Variants in CHAF1B observed in about 807,000 individuals in gnomAD.
CHAF1B encodes CAF-1 subunit B.
In CHAF1B, 10 loss-of-function variants were observed where a neutral mutation model predicts 60.7. The ratio of observed to expected loss-of-function variants is 0.16; its 90% CI spans 0.10 to 0.28. The LOEUF (loss-of-function observed/expected upper bound fraction) is 0.28. CHAF1B is among the 10% of genes least tolerant of loss of function. The pLI, the probability that CHAF1B is intolerant of heterozygous loss-of-function variation, is 1.00. For synonymous variants in CHAF1B, 261 were observed against 266.1 expected, an observed-to-expected ratio of 0.98 and a Z score of 0.19; for missense variants, 558 against 708.4, an observed-to-expected ratio of 0.79 and a Z score of 2.41.
rs2086201760 is a variant in CHAF1B at position 36,402,772 on chromosome 21, G to C, written c.678G>C (p.Arg226=). 6.2e-7 allele frequency: 1 copy of C among 1,613,520 alleles called. No homozygotes were observed. The highest frequency in any genetic ancestry group is 8.5e-7 in the Non-Finnish European group (1 of 1,179,698). ...GTGTGCGACAGGCAAGAAGCTACCG[G>C]ATGTTTCACGACGACAGCATGAAGT... ...IGAEGEARSY[R]MFHDDSMKSF... Residue 226 remains arginine (R), a synonymous_variant, in exon 8 of 14, where the codon CGG becomes CGC. Transcript: ENST00000314103.
At chr21:36,402,659 A>G in intron 7 of CHAF1B, 99 bp from the exon 8 acceptor site, 1 of 871,638 alleles carries the variant, frequency 1.1e-6, no homozygotes. Context: ...GCAGTTGGGA[A>G]GCGTTTATTT....
At chr21:36,394,254 T>G (rs2086119383) in intron 4 of CHAF1B, among the ~76,000 whole-genome samples, 1 of 152,030 alleles carries the variant, frequency 6.6e-6, no homozygotes, top group Admixed American at 6.6e-5. Context: ...TTTTTTGTAT[T>G]TTAGTAGAGA....
intron 8 of CHAF1B, 110 bp downstream of exon 8, chr21:36,402,961 C>G: frequency 1.2e-6 from 1 of 838,892 alleles, no homozygotes; most frequent in Non-Finnish European, 2.0e-6. Context: ...AGTGGGGGTC[C>G]CCGACTTACC....
intron 5 of CHAF1B, among the ~76,000 whole-genome samples, chr21:36,395,244 T>G (rs1285931769): frequency 6.8e-6 from 1 of 147,228 alleles, no homozygotes. Context: ...GAGACGGGGT[T>G]TCACCGTTGG....
In CHAF1B at chr21:36,399,551, G is replaced by A; in HGVS notation, c.609G>A (p.Lys203=). 6.2e-7 allele frequency: 1 copy of A among 1,614,160 alleles called. No homozygotes were observed. The highest frequency in any genetic ancestry group is 1.1e-5 in the South Asian group (1 of 91,084). Residue 203 remains lysine (K), a synonymous_variant, in exon 7 of 14, where the codon AAG becomes AAA. Transcript: ENST00000314103. ...RVLRVYSIQK[K]RVAFNVSKML... ...TGCGAGTATACAGTATACAGAAGAA[G>A]CGTGTGGCTTTCAATGTTTCGAAGA...
At chr21:36,402,948 T>G in intron 8 of CHAF1B, 97 bp downstream of exon 8, 1 of 1,027,628 alleles carries the variant, frequency 9.7e-7, no homozygotes. Flanking sequence ...GAATGCTGAT[T>G]AGAGTGGGGG....
Position 36,386,199 on chromosome 21 carries a change from C to T in CHAF1B, c.63C>T (p.Phe21=), listed in dbSNP as rs757229798. The change falls in exon 2 of 14, where the codon TTC becomes TTT. Residue 21 remains phenylalanine (F), a synonymous_variant. Transcript: ENST00000314103. The part of the protein sequence containing the change: ...HNKEPVYSLD[F]QHGTAGRIHR... ...AGGAGCCCGTGTACAGCCTGGACTT[C>T]CAGCATGGGACGGCTGGGAGGATCC... is the stretch of plus-strand genomic sequence containing the variant. The T allele has an allele frequency of 9.9e-6, 16 of 1,614,206 alleles. No homozygotes were observed. The East Asian group carries it at 3.3e-4, about 34-fold the overall frequency.
chr21:36,403,652 G>A (rs1321258569), intron 8 of CHAF1B, among the ~76,000 whole-genome samples: 3 of 152,070 alleles, frequency 2.0e-5, no homozygotes, highest in Non-Finnish European at 2.9e-5. Context: ...AAGCAGCAGT[G>A]GTCAAAATCA....
intron 8 of CHAF1B, among the ~76,000 whole-genome samples, chr21:36,404,846 C>T (rs1031848459): frequency 1.3e-5 from 2 of 148,576 alleles, no homozygotes; most frequent in Non-Finnish European, 3.0e-5. Context: ...TGGGTTCAAG[C>T]GATTCTCCTG....
Position 36,387,629 on chromosome 21 carries a change from A to G in CHAF1B, c.158A>G (p.Lys53Arg). ...AAGGTAGAAAAGGGACCAGATGGAA[A>G]AGCCATCGTGGAATTTTTGTCCAAT... ...IWKVEKGPDG[K>R]AIVEFLSNLA... Residue 53 changes from lysine (K) to arginine (R), a missense_variant, in exon 3 of 14, where the codon AAA becomes AGA. Transcript: ENST00000314103. The G allele has an allele frequency of 1.2e-6, 2 of 1,614,182 alleles. No individual in the cohort carries two copies. The highest frequency in any genetic ancestry group is 2.2e-5 in the East Asian group (1 of 44,876).
chr21:36,405,822 A>T (rs1053851645), intron 8 of CHAF1B, among the ~76,000 whole-genome samples: 2 of 152,178 alleles, frequency 1.3e-5, no homozygotes, highest in Non-Finnish European at 2.9e-5. Flanking sequence ...GAACAAATGG[A>T]AAGATATGTC....
chr21:36,400,772 T>C (rs2086181332), intron 7 of CHAF1B, among the ~76,000 whole-genome samples: 1 of 152,152 alleles, frequency 6.6e-6, no homozygotes, highest in Non-Finnish European at 1.5e-5. Flanking sequence ...AGGAAGGATT[T>C]TGACTTTCAA....
At position 36,406,391 on chromosome 21, in the gene CHAF1B, T is replaced by G. The variant is rs1235305926; in HGVS notation, c.758-2370T>G. Among the ~76,000 whole-genome samples the G allele has an allele frequency of 5.3e-5, 8 of 152,268 alleles. No individual in the cohort carries two copies. In the South Asian group the frequency reaches 1.2e-3, roughly 24 times the overall value. On this transcript the variant is annotated intron_variant, in intron 8 of 13. Coordinates refer to ENST00000314103, the MANE Select transcript of CHAF1B (RefSeq NM_005441.3). ...ACCTCCATCTCCTGAGTTCAAGTGA[T>G]TCTTCTGCCTCAGCCTCCCAAGTAG... is the stretch of plus-strand genomic sequence containing the variant.
rs1031096983 is a variant in CHAF1B at position 36,418,676 on chromosome 21, C to G, written c.*2310C>G. 2 of 151,838 alleles carry G rather than the reference C, an allele frequency of 1.3e-5. No individual in the cohort carries two copies. The highest frequency in any genetic ancestry group is 4.8e-5 in the African/African-American group (2 of 41,294). 9.4% of individuals were successfully genotyped at this position (151,838 alleles called of 1,614,324 possible). A position where few individuals can be genotyped will look rare whatever the true frequency, so the allele number is the denominator to read the frequency against. On this transcript the variant is annotated 3_prime_UTR_variant, in exon 14 of 14. Transcript: ENST00000314103. ...CCAGCCTGGCCAACATGGTGGAACC[C>G]CATCTCTACTAAAAATACAAAAACT...
At chr21:36,413,718 G>T (rs534893618) in intron 12 of CHAF1B, among the ~76,000 whole-genome samples, 1 of 152,278 alleles carries the variant, frequency 6.6e-6, no homozygotes, top group Non-Finnish European at 1.5e-5. Context: ...TCTTCCTCTT[G>T]GTGATGCCAG....
rs1251054735 is a variant in CHAF1B, at chr21:36,396,882, A to G, written c.482-533A>G. 2.0e-5 allele frequency among the ~76,000 whole-genome samples: 3 copies of G among 152,160 alleles called. No individual in the cohort carries two copies. In the East Asian group the frequency reaches 5.8e-4, roughly 29 times the overall value. On this transcript the variant is annotated intron_variant, in intron 5 of 13. Coordinates refer to ENST00000314103, the MANE Select transcript of CHAF1B (RefSeq NM_005441.3). ...CCTGTTTCACCTTTAAAATGCAGAC[A>G]GCTTCTCAGCTTGAATTCACAGCCT...
At chr21:36,408,482 A>G (rs2086253884) in intron 8 of CHAF1B, among the ~76,000 whole-genome samples, 1 of 152,204 alleles carries the variant, frequency 6.6e-6, no homozygotes, top group Middle Eastern at 3.2e-3. Context: ...CCCTATGGCA[A>G]AGGCTCACTA....
chr21:36,393,602 C>G (rs2086111847), intron 4 of CHAF1B, among the ~76,000 whole-genome samples: 1 of 151,706 alleles, frequency 6.6e-6, no homozygotes, highest in South Asian at 2.1e-4. Flanking sequence ...CAGGCCTGCA[C>G]CACTATGCCC....
At chr21:36,400,159 G>A (rs962645837) in intron 7 of CHAF1B, among the ~76,000 whole-genome samples, 18 of 151,826 alleles carry the variant, frequency 1.2e-4, no homozygotes, top group East Asian at 3.9e-4. Flanking sequence ...TAGCCTGGGC[G>A]ACAGAGCGAG....
Sources: allele counts gnomAD v4.1 joint callset (sites outside exome capture counted in the v4.1 genomes callset), GRCh38; gene constraint gnomAD v4.1.1; transcripts MANE v1.5; gene names NCBI Gene and HGNC (gene_info 2026-07-23, HGNC 2026-07-21).